Variants in FAM111B observed in about 807,000 individuals in gnomAD.
FAM111B encodes FAM111 trypsin like peptidase B.
In FAM111B, 1 loss-of-function variant was observed where a neutral mutation model predicts 2.8. That is an observed-to-expected ratio of 0.36 (90% CI 0.13 to 1.70). The LOEUF is 1.70. FAM111B is among the 40% of genes most tolerant of loss of function. FAM111B has a pLI of 0.35. For synonymous variants in FAM111B, 297 were observed against 295.6 expected (o/e 1.00, Z -0.05); for missense variants, 882 against 878.9 (o/e 1.00, Z -0.04).
At chr11:59,110,343 T>G (rs1454905179) in intron 3 of FAM111B, among the ~76,000 whole-genome samples, 1 of 152,170 alleles carries the variant, frequency 6.6e-6, no homozygotes, top group Non-Finnish European at 1.5e-5. Flanking sequence ...TAATGAATAA[T>G]AAATCTAAAA....
At chr11:59,108,140 T>G (rs1374119811) in intron 1 of FAM111B, among the ~76,000 whole-genome samples, 1 of 152,186 alleles carries the variant, frequency 6.6e-6, no homozygotes, top group Non-Finnish European at 1.5e-5. Context: ...GGGTGGGATC[T>G]GGAATCCTTT....
rs182851998 is a variant in FAM111B, at chr11:59,109,582, C to T, written c.-44C>T. 152 of 1,310,980 alleles carry T rather than the reference C, an allele frequency of 1.2e-4. No individual in the cohort carries two copies. In the Middle Eastern group the frequency reaches 1.3e-3, roughly 11 times the overall value. 81.2% of individuals were successfully genotyped at this position (1,310,980 alleles called of 1,614,324 possible). A position where few individuals can be genotyped will look rare whatever the true frequency, so the allele number is the denominator to read the frequency against. On this transcript the variant is annotated 5_prime_UTR_variant, in exon 3 of 4. Transcript: ENST00000343597. ...ATAAATTCAATCCTTGTTTCTCCAT[C>T]TTATCGAGTAGTAGAAGTTAGTTAC... is the stretch of plus-strand genomic sequence containing the variant.
chr11:59,118,763 G>A (rs555553638), intron 3 of FAM111B, among the ~76,000 whole-genome samples: 127 of 139,002 alleles, frequency 9.1e-4, no homozygotes, highest in African/African-American at 3.3e-3. Flanking sequence ...ATTAGAAATA[G>A]ATGTCAGGCT....
At chr11:59,113,465 A>C (rs1859791094) in intron 3 of FAM111B, among the ~76,000 whole-genome samples, 1 of 152,328 alleles carries the variant, frequency 6.6e-6, no homozygotes, top group East Asian at 1.9e-4. Flanking sequence ...TCAGAAGTAC[A>C]AGGCACAAGT....
At chr11:59,120,466 C>A (rs1859904078) in intron 3 of FAM111B, among the ~76,000 whole-genome samples, 1 of 152,106 alleles carries the variant, frequency 6.6e-6, no homozygotes, top group Admixed American at 6.5e-5. Flanking sequence ...AAAGTCCAGA[C>A]TATGTAGTCT....
rs1382965667 is a variant in FAM111B, at chr11:59,125,803, C to A, written c.1706C>A (p.Pro569Gln). 6.2e-7 allele frequency: 1 copy of A among 1,613,768 alleles called. No homozygotes were observed. Among genetic ancestry groups the A allele is most frequent in the Non-Finnish European group, 8.5e-7 (1 of 1,179,844 alleles). ...CTATGGCGACAGATTTCTCCTCAACCATCTACTGGTTTGATTTATTTAATT... is the reference window on the plus strand; with the variant it reads ...CTATGGCGACAGATTTCTCCTCAACAATCTACTGGTTTGATTTATTTAATT... ...PGLWRQISPQ[P>Q]STGLIYLIGH... is the part of the protein sequence containing the mutation. The change falls in exon 4 of 4, where the codon CCA (proline) becomes CAA (glutamine). Residue 569 changes from proline (P) to glutamine (Q), a missense_variant. By Grantham distance (76) the Pro-to-Gln change is moderately conservative. Coordinates refer to ENST00000343597, the MANE Select transcript of FAM111B (RefSeq NM_198947.4).
intron 3 of FAM111B, among the ~76,000 whole-genome samples, chr11:59,120,596 G>A (rs939045167): frequency 1.3e-5 from 2 of 152,176 alleles, no homozygotes; most frequent in African/African-American, 4.8e-5. Flanking sequence ...ACCTGTTAGG[G>A]CTGTGAGGGA....
chr11:59,121,717 C>T (rs1859925227), intron 3 of FAM111B, among the ~76,000 whole-genome samples: 3 of 152,160 alleles, frequency 2.0e-5, no homozygotes, highest in African/African-American at 7.2e-5. Flanking sequence ...TGAGGATATT[C>T]ATAGCAAAAT....
In FAM111B at chr11:59,126,428, C is replaced by G; in HGVS notation, c.*126C>G. 1 of 706,452 alleles carries G rather than the reference C, an allele frequency of 1.4e-6. No individual in the cohort carries two copies. The highest frequency in any genetic ancestry group is 2.2e-6 in the Non-Finnish European group (1 of 455,580). The allele number at this position is 706,452 out of a possible 1,614,324, so 43.8% of individuals were successfully genotyped here. A position where few individuals can be genotyped will look rare whatever the true frequency, so the allele number is the denominator to read the frequency against. On this transcript the variant is annotated 3_prime_UTR_variant, in exon 4 of 4. Coordinates refer to ENST00000343597, the MANE Select transcript of FAM111B (RefSeq NM_198947.4). Reference sequence around the variant, plus strand: ...ATGAGACCTAATTAAATCTTCTGCACAGCAAAAGAAACTATCAACAGGGTA... The same window carrying G: ...ATGAGACCTAATTAAATCTTCTGCAGAGCAAAAGAAACTATCAACAGGGTA...
At chr11:59,117,047 T>G (rs1859850035) in intron 3 of FAM111B, among the ~76,000 whole-genome samples, 1 of 152,246 alleles carries the variant, frequency 6.6e-6, no homozygotes. Flanking sequence ...ACCTTACCCC[T>G]TTCTCACTTA....
chr11:59,118,645 G>GA (rs1429683471), intron 3 of FAM111B, among the ~76,000 whole-genome samples: 1 of 151,960 alleles, frequency 6.6e-6, no homozygotes, highest in African/African-American at 2.4e-5. Context: ...CTAGTCTTGG[G>GA]AATTCATTCA....
At chr11:59,120,871 G>T (rs1453680420) in intron 3 of FAM111B, among the ~76,000 whole-genome samples, 1 of 152,186 alleles carries the variant, frequency 6.6e-6, no homozygotes, top group African/African-American at 2.4e-5. Flanking sequence ...AGGGGACACA[G>T]TTCAACCCAT....
chr11:59,124,957 A>C lies in FAM111B; in HGVS notation c.860A>C (p.Glu287Ala). The change falls in exon 4 of 4, where the codon GAA becomes GCA. Residue 287 changes from glutamate to alanine, a missense_variant. Glu to Ala is a moderately radical substitution (Grantham distance 107). Coordinates refer to ENST00000343597, the MANE Select transcript of FAM111B (RefSeq NM_198947.4). ...KDIHKKIKQNESATDEINHQS... is the reference protein window; with the variant it reads ...KDIHKKIKQNASATDEINHQS... Reference sequence around the variant, plus strand: ...ATCCATAAAAAAATTAAACAGAATGAAAGTGCCACTGATGAAATTAATCAC... The same window carrying C: ...ATCCATAAAAAAATTAAACAGAATGCAAGTGCCACTGATGAAATTAATCAC... 6.2e-7 allele frequency: 1 copy of C among 1,610,050 alleles called. No individual in the cohort carries two copies. Among genetic ancestry groups the C allele is most frequent in the African/African-American group, 1.3e-5 (1 of 74,682 alleles).
Position 59,125,727 on chromosome 11 carries a change from G to A in FAM111B, c.1630G>A (p.Asp544Asn), listed in dbSNP as rs1160603506. 6.2e-7 allele frequency: 1 copy of A among 1,613,646 alleles called. No individual in the cohort carries two copies. The highest frequency in any genetic ancestry group is 1.3e-5 in the African/African-American group (1 of 74,902). ...PWLKVSNENLDYAILKLKENG... is the reference protein window; with the variant it reads ...PWLKVSNENLNYAILKLKENG... The stretch of plus-strand genomic sequence containing the variant: ...GCTTAAAGTGTCCAATGAAAATCTA[G>A]ATTATGCCATTTTAAAACTAAAAGA... The change falls in exon 4 of 4, where the codon GAT (aspartate) becomes AAT (asparagine). Residue 544 changes from aspartate to asparagine, a missense_variant. Coordinates refer to ENST00000343597, the MANE Select transcript of FAM111B (RefSeq NM_198947.4).
intron 3 of FAM111B, among the ~76,000 whole-genome samples, chr11:59,111,249 C>T (rs1163620436): frequency 6.6e-6 from 1 of 152,164 alleles, no homozygotes; most frequent in East Asian, 1.9e-4. Flanking sequence ...AACACAAAAC[C>T]TTGTGACTGA....
chr11:59,116,643 C>A (rs1859844395), intron 3 of FAM111B, among the ~76,000 whole-genome samples: 1 of 152,188 alleles, frequency 6.6e-6, no homozygotes, highest in African/African-American at 2.4e-5. Flanking sequence ...TAGACAGGAG[C>A]TAAGGTAGCT....
chr11:59,109,929 A>G (rs1357688376), intron 3 of FAM111B: 1 of 336,282 alleles, frequency 3.0e-6, no homozygotes, highest in Non-Finnish European at 5.4e-6. Flanking sequence ...ACTAACAAAC[A>G]ATATAGACAC....
chr11:59,126,576 A>G lies in FAM111B; in HGVS notation c.*274A>G. On this transcript the variant is annotated 3_prime_UTR_variant, in exon 4 of 4. Transcript: ENST00000343597. ...AGCAAAAAAAACAAGCAACCCCATT[A>G]AAAAGTGGGCAAAGGACATGAACAA... 1 of 289,260 alleles carries G rather than the reference A, an allele frequency of 3.5e-6. No homozygotes were observed. The highest frequency in any genetic ancestry group is 6.4e-6 in the Non-Finnish European group (1 of 157,458). The allele number at this position is 289,260 out of a possible 1,614,324, so 17.9% of individuals were successfully genotyped here.
chr11:59,123,495 C>G (rs1466749828), intron 3 of FAM111B, among the ~76,000 whole-genome samples: 1 of 152,152 alleles, frequency 6.6e-6, no homozygotes, highest in East Asian at 1.9e-4. Context: ...TGCGGTATTT[C>G]CACTCCTGGG....
Sources: allele counts gnomAD v4.1 joint callset (sites outside exome capture counted in the v4.1 genomes callset), GRCh38; gene constraint gnomAD v4.1.1; transcripts MANE v1.5; gene names NCBI Gene and HGNC (gene_info 2026-07-23, HGNC 2026-07-21).